TMEM116: variants seen among roughly 807,000 people sequenced by gnomAD.
TMEM116 encodes transmembrane protein 116.
In TMEM116, 38 loss-of-function variants were observed where a neutral mutation model predicts 44.3. The ratio of observed to expected loss-of-function variants is 0.86; its 90% CI spans 0.66 to 1.12. The LOEUF (loss-of-function observed/expected upper bound fraction) is 1.12, where lower values mean the gene tolerates loss of function less well. Among genes scored for constraint, TMEM116 ranks in the 50% most tolerant of loss-of-function variants. The pLI is 0.00. For synonymous variants in TMEM116, 132 were observed against 144.8 expected, an observed-to-expected ratio of 0.91 and a Z score of 0.64; for missense variants, 354 against 401.7, an observed-to-expected ratio of 0.88 and a Z score of 1.01.
At chr12:111,957,041 G>A (rs1022187822) in intron 4 of TMEM116, among the ~76,000 whole-genome samples, 27 of 151,110 alleles carry the variant, frequency 1.8e-4, no homozygotes, top group African/African-American at 5.4e-4. Flanking sequence ...GCCTCTTCCC[G>A]GCCACCACCC....
intron 5 of TMEM116, 102 bp from the exon 6 acceptor site, chr12:111,938,312 C>A: frequency 1.2e-6 from 1 of 855,928 alleles, no homozygotes; most frequent in East Asian, 2.9e-5. Flanking sequence ...AAAAGATTTC[C>A]AAAAGCCAGT....
At chr12:111,957,639 T>C (rs1396948261) in intron 4 of TMEM116, among the ~76,000 whole-genome samples, 1 of 136,232 alleles carries the variant, frequency 7.3e-6, no homozygotes, top group Admixed American at 7.1e-5. Flanking sequence ...TCTGCCCGGC[T>C]GCCCCGTCTG....
At chr12:111,964,394 A>G (rs960865711) in intron 4 of TMEM116, among the ~76,000 whole-genome samples, 1 of 151,462 alleles carries the variant, frequency 6.6e-6, no homozygotes, top group Non-Finnish European at 1.5e-5. Context: ...GTGAGCTGAG[A>G]TCACACCAAT....
chr12:111,978,593 A>G lies in TMEM116; in HGVS notation c.210+13165T>C, dbSNP rs1019354680. On this transcript the variant is annotated intron_variant, in intron 4 of 10. Transcript: ENST00000552374. ...AAGGTGGGGCCTTTGGGAGGCAATT[A>G]GCTCCTAAGGGTGGAGGCTTCACAA... 20 of 200,424 alleles carry G rather than the reference A, an allele frequency of 1.0e-4. No individual in the cohort carries two copies. In the South Asian group the frequency reaches 1.2e-3, roughly 12 times the overall value. 12.4% of individuals were successfully genotyped at this position (200,424 alleles called of 1,614,324 possible).
chr12:111,962,653 C>T (rs531126167), intron 4 of TMEM116, among the ~76,000 whole-genome samples: 38 of 152,154 alleles, frequency 2.5e-4, no homozygotes, highest in Non-Finnish European at 4.0e-4. Flanking sequence ...ACACCTTATA[C>T]AAAAATTAAC....
intron 10 of TMEM116, 38 bp downstream of exon 10, chr12:111,932,548 G>C (rs760121346): frequency 4.8e-5 from 73 of 1,532,752 alleles, no homozygotes; most frequent in Non-Finnish European, 1.2e-5. Context: ...AGGATAAGCG[G>C]GTGTAAGAAC....
chr12:111,976,769 ACT>A (rs1192350931), intron 4 of TMEM116, among the ~76,000 whole-genome samples: 1 of 152,202 alleles, frequency 6.6e-6, no homozygotes, highest in African/African-American at 2.4e-5. Flanking sequence ...AAAAATGGAA[ACT>A]CTTAAAAAGA....
At chr12:111,990,127 C>T (rs1016810818) in intron 4 of TMEM116, among the ~76,000 whole-genome samples, 1 of 151,832 alleles carries the variant, frequency 6.6e-6, no homozygotes, top group East Asian at 1.9e-4. Context: ...TGGTGGCAGG[C>T]GCCTGTAGTC....
intron 1 of TMEM116, among the ~76,000 whole-genome samples, chr12:112,006,835 T>C (rs1247419471): frequency 6.6e-6 from 1 of 152,242 alleles, no homozygotes; most frequent in Non-Finnish European, 1.5e-5. Context: ...TAATTTCATA[T>C]AGTCTACAAA....
intron 5 of TMEM116, among the ~76,000 whole-genome samples, chr12:111,939,258 T>C (rs2072452110): frequency 6.6e-6 from 1 of 151,834 alleles, no homozygotes; most frequent in African/African-American, 2.4e-5. Context: ...ATTGAGACCA[T>C]CTGGGCCAAC....
chr12:111,954,072 G>A (rs1451541125), intron 4 of TMEM116, among the ~76,000 whole-genome samples: 1 of 151,942 alleles, frequency 6.6e-6, no homozygotes, highest in Non-Finnish European at 1.5e-5. Flanking sequence ...CAATAAAGCT[G>A]AAAAAATCTA....
intron 5 of TMEM116, among the ~76,000 whole-genome samples, chr12:111,939,582 G>T (rs554859769): frequency 6.6e-6 from 1 of 151,494 alleles, no homozygotes; most frequent in African/African-American, 2.4e-5. Context: ...AGGATCACTT[G>T]AGCCCAGGAG....
intron 4 of TMEM116, among the ~76,000 whole-genome samples, chr12:111,988,424 T>G (rs2076348125): frequency 6.6e-6 from 1 of 152,048 alleles, no homozygotes; most frequent in South Asian, 2.1e-4. Context: ...CCGGGCACGG[T>G]GGCTCACACC....
chr12:111,938,249 T>C, intron 5 of TMEM116, 39 bp from the exon 6 acceptor site: 1 of 1,420,636 alleles, frequency 7.0e-7, no homozygotes, highest in Non-Finnish European at 9.6e-7. Context: ...CTTAAGACAT[T>C]GTCAATCATA....
intron 5 of TMEM116, among the ~76,000 whole-genome samples, chr12:111,940,480 TACACAC>T (rs145433427): frequency 1.6e-5 from 2 of 128,928 alleles, no homozygotes; most frequent in African/African-American, 6.2e-5. Flanking sequence ...TATATATACA[TACACAC>T]ACACACACAC....
At chr12:111,939,472 A>AT (rs2072479383) in intron 5 of TMEM116, among the ~76,000 whole-genome samples, 1 of 138,716 alleles carries the variant, frequency 7.2e-6, no homozygotes. Context: ...AAAAAAAAAA[A>AT]GTTTATGGCA....
chr12:111,936,550 T>C (rs2072175870), intron 8 of TMEM116, 142 bp downstream of exon 8: 1 of 806,474 alleles, frequency 1.2e-6, no homozygotes, highest in Non-Finnish European at 1.9e-6. Context: ...GTAATTATAT[T>C]GTCAAGATCT....
At chr12:111,958,391 A>C (rs1343767765) in intron 4 of TMEM116, among the ~76,000 whole-genome samples, 3 of 152,076 alleles carry the variant, frequency 2.0e-5, no homozygotes, top group Non-Finnish European at 4.4e-5. Context: ...GATGGGAAGA[A>C]ACCAGCACAA....
intron 3 of TMEM116, 135 bp from the exon 4 acceptor site, chr12:111,992,024 G>A (rs1002876170): frequency 3.3e-6 from 3 of 901,102 alleles, no homozygotes; most frequent in Non-Finnish European, 4.8e-6. Flanking sequence ...TTGGTTGATT[G>A]TGGGCAATGC....
Sources: allele counts gnomAD v4.1 joint callset (sites outside exome capture counted in the v4.1 genomes callset), GRCh38; gene constraint gnomAD v4.1.1; transcripts MANE v1.5; gene names NCBI Gene and HGNC (gene_info 2026-07-23, HGNC 2026-07-21).